The following TP53BP1 variants were observed in gnomAD, a reference collection of about 807,000 sequenced individuals.
TP53BP1 encodes the protein TP53-binding protein 1.
In TP53BP1, 61 loss-of-function variants were observed where a neutral mutation model predicts 200.8. That is an observed-to-expected ratio of 0.30 (90% CI 0.25 to 0.38). TP53BP1 has a LOEUF of 0.38. Ranked by LOEUF, TP53BP1 falls within the 10% of genes least tolerant of loss-of-function variation. The pLI is 1.00. For synonymous variants in TP53BP1, 822 were observed against 844.3 expected, an observed-to-expected ratio of 0.97 and a Z score of 0.46; for missense variants, 2,144 against 2,371.9, an observed-to-expected ratio of 0.90 and a Z score of 2.00.
In TP53BP1 at chr15:43,491,997, C is replaced by G. The variant is rs2079130517; in HGVS notation, c.286+5G>C. 6.2e-7 allele frequency: 1 copy of G among 1,609,766 alleles called. No individual in the cohort carries two copies. Among genetic ancestry groups the G allele is most frequent in the African/African-American group, 1.3e-5 (1 of 74,832 alleles). On this transcript the variant is annotated splice_donor_5th_base_variant and intron_variant, in intron 3 of 27. Transcript: ENST00000382044. ...AAAGGGGACAGATAGCTTTAAACAC[C>G]TCACCTGCAACCTTGTTTTCTTTCA... is the stretch of plus-strand genomic sequence containing the variant.
rs2079151851 is a variant in TP53BP1, at chr15:43,493,072, T to C, written c.-29A>G. 1 of 1,612,416 alleles carries C rather than the reference T, an allele frequency of 6.2e-7. No homozygotes were observed. ...GGCGGGAGGTCCCTCGCGCTCGAGC[T>C]AGAGGTCTCTGCACGCTCCCCAAGT... On this transcript the variant is annotated 5_prime_UTR_variant, in exon 1 of 28. Coordinates refer to ENST00000382044, the MANE Select transcript of TP53BP1 (RefSeq NM_001141980.3).
In TP53BP1 at chr15:43,420,307, GCA is replaced by G; in HGVS notation, c.4677_4678del (p.Ala1560ArgfsTer7). 6.2e-7 allele frequency: 1 copy of G among 1,612,254 alleles called. No homozygotes were observed. The highest frequency in any genetic ancestry group is 8.5e-7 in the Non-Finnish European group (1 of 1,178,538). On this transcript the variant is annotated frameshift_variant, in exon 21 of 28. Transcript: ENST00000382044. LOFTEE classifies it high-confidence loss of function. ...ACAAACTCTGCTTCTTTCATTACCT[GCA>G]CTGAAATACTCATCCTCCGAGAGGG... is the stretch of plus-strand genomic sequence containing the variant.
intron 11 of TP53BP1, among the ~76,000 whole-genome samples, chr15:43,468,546 CAA>C (rs796416291): frequency 5.9e-4 from 48 of 80,806 alleles, no homozygotes; most frequent in Non-Finnish European, 5.5e-4. Flanking sequence ...GATCCTGTCT[CAA>C]AAAAAAAAAA....
chr15:43,474,586 G>T, intron 10 of TP53BP1, 87 bp downstream of exon 10: 2 of 847,640 alleles, frequency 2.4e-6, no homozygotes, highest in Non-Finnish European at 3.8e-6. Context: ...GCATTCTAAA[G>T]TACAAAGAAG....
In TP53BP1 at chr15:43,406,853, A is replaced by G; in HGVS notation, c.*530T>C. The stretch of plus-strand genomic sequence containing the variant: ...CAGTTGGTCCTTTCGTTCTCCCTTT[A>G]GCTCTAAGAGTTGGGGAGTACCCAC... On this transcript the variant is annotated 3_prime_UTR_variant, in exon 28 of 28. Transcript: ENST00000382044. 3.2e-6 allele frequency: 1 copy of G among 315,374 alleles called. No individual in the cohort carries two copies. The highest frequency in any genetic ancestry group is 2.9e-5 in the South Asian group (1 of 34,760). The allele number at this position is 315,374 out of a possible 1,614,324, so 19.5% of individuals were successfully genotyped here.
intron 14 of TP53BP1, among the ~76,000 whole-genome samples, chr15:43,445,154 TAG>T (rs1317864639): frequency 6.6e-6 from 1 of 152,184 alleles, no homozygotes; most frequent in Non-Finnish European, 1.5e-5. Context: ...TTCTCAAAAG[TAG>T]AGAGTACATT....
At chr15:43,442,381 C>T (rs967496612) in intron 14 of TP53BP1, among the ~76,000 whole-genome samples, 6 of 152,150 alleles carry the variant, frequency 3.9e-5, no homozygotes, top group Non-Finnish European at 5.9e-5. Flanking sequence ...CCACTGTGCC[C>T]GGCTGGCTAT....
Position 43,432,442 on chromosome 15 carries a change from T to C in TP53BP1, c.3427A>G (p.Asn1143Asp). 1 of 1,614,200 alleles carries C rather than the reference T, an allele frequency of 6.2e-7. No individual in the cohort carries two copies. The highest frequency in any genetic ancestry group is 8.5e-7 in the Non-Finnish European group (1 of 1,180,024). ...CTTTCAATCAAGGCCTTACTAGGAT[T>C]TTCCTTATTAGTACTCCGTCCTTCT... is the stretch of plus-strand genomic sequence containing the variant. ...QKEGRSTNKE[N>D]PSKALIERPS... Residue 1143 changes from asparagine to aspartate, a missense_variant, in exon 17 of 28, where the codon AAT (asparagine) becomes GAT (aspartate). This residue lies in a region of TP53BP1 where 1,700 missense variants were observed against 1,710.3 expected (regional missense o/e 0.99). Transcript: ENST00000382044.
intron 1 of TP53BP1, among the ~76,000 whole-genome samples, chr15:43,504,109 A>ACC (rs146660740): frequency 5.3e-5 from 8 of 151,624 alleles, no homozygotes; most frequent in Non-Finnish European, 1.0e-4. Context: ...AAATAGCAAG[A>ACC]CCCCCCTCCT....
intron 4 of TP53BP1, among the ~76,000 whole-genome samples, chr15:43,486,717 A>C (rs1250759708): frequency 6.6e-6 from 1 of 152,014 alleles, no homozygotes; most frequent in Non-Finnish European, 1.5e-5. Context: ...TCTGCTTCCC[A>C]GGCTTAAGCG....
intron 12 of TP53BP1, among the ~76,000 whole-genome samples, chr15:43,451,649 C>G (rs2046173661): frequency 6.6e-6 from 1 of 152,146 alleles, no homozygotes; most frequent in East Asian, 1.9e-4. Context: ...AAACATACGT[C>G]TGCATGTGTT....
At chr15:43,412,992 A>G (rs2045161846) in intron 24 of TP53BP1, 127 bp downstream of exon 24, 5 of 827,312 alleles carry the variant, frequency 6.0e-6, no homozygotes, top group Non-Finnish European at 9.5e-6. Flanking sequence ...AATTTCTGTG[A>G]CCAAGATCCC....
At chr15:43,414,418 A>G (rs2142971694) in intron 23 of TP53BP1, among the ~76,000 whole-genome samples, 1 of 152,352 alleles carries the variant, frequency 6.6e-6, no homozygotes, top group Non-Finnish European at 1.5e-5. Context: ...GCAGTTGGGT[A>G]GATAAGGAGA....
chr15:43,408,287 G>A, intron 26 of TP53BP1, 199 bp from the exon 27 acceptor site: 1 of 544,540 alleles, frequency 1.8e-6, no homozygotes, highest in Non-Finnish European at 3.2e-6. Flanking sequence ...AGACCAGCCT[G>A]GGCAATGTGG....
intron 4 of TP53BP1, among the ~76,000 whole-genome samples, chr15:43,489,412 G>C (rs1339148334): frequency 1.3e-5 from 2 of 152,310 alleles, no homozygotes; most frequent in African/African-American, 4.8e-5. Context: ...CAAAAACATA[G>C]ATAAGCCTGG....
intron 18 of TP53BP1, among the ~76,000 whole-genome samples, chr15:43,425,136 C>T (rs2045497309): frequency 6.6e-6 from 1 of 152,228 alleles, no homozygotes; most frequent in East Asian, 1.9e-4. Context: ...CTTGGACTTC[C>T]CAGCCTCCTA....
chr15:43,454,366 ACT>A (rs1357234853), intron 12 of TP53BP1, among the ~76,000 whole-genome samples: 2 of 130,860 alleles, frequency 1.5e-5, no homozygotes, highest in Admixed American at 7.0e-5. Flanking sequence ...CATTATAATA[ACT>A]CTTTTTTTTT....
rs748515735 is a variant in TP53BP1 at position 43,470,046 on chromosome 15, C to T, written c.1201G>A (p.Val401Met). Residue 401 changes from valine (V) to methionine (M), a missense_variant, in exon 11 of 28, where the codon GTG becomes ATG. Val to Met is a conservative substitution (Grantham distance 21). Coordinates refer to ENST00000382044, the MANE Select transcript of TP53BP1 (RefSeq NM_001141980.3). Reference sequence around the variant, plus strand: ...GGCTCTCCTCCTTCTTCAGATAACACTGACGTGTCCATTGGCTTATCTGGT... The same window carrying T: ...GGCTCTCCTCCTTCTTCAGATAACATTGACGTGTCCATTGGCTTATCTGGT... ...GRQDKPMDTSVLSEEGGEPFQ... is the reference protein window; with the variant it reads ...GRQDKPMDTSMLSEEGGEPFQ... The T allele has an allele frequency of 6.2e-7, 1 of 1,613,046 alleles. No homozygotes were observed. The highest frequency in any genetic ancestry group is 8.5e-7 in the Non-Finnish European group (1 of 1,180,014).
At chr15:43,469,783 G>T in intron 11 of TP53BP1, 75 bp downstream of exon 11, 1 of 1,171,740 alleles carries the variant, frequency 8.5e-7, no homozygotes, top group Admixed American at 2.0e-5. Flanking sequence ...GAATTTTATG[G>T]TATGTAAATT....
Sources: gnomAD v4.1 joint callset for allele counts (sites outside exome capture counted in the v4.1 genomes callset) on GRCh38, gnomAD v4.1.1 for gene constraint, gnomAD v4.1.1 regional missense constraint, MANE v1.5 for transcripts, NCBI Gene and HGNC (gene_info 2026-07-23, HGNC 2026-07-21) for gene names.